Variants in PTPRN2 observed in about 807,000 individuals in gnomAD.
The protein encoded by PTPRN2 is receptor-type tyrosine-protein phosphatase N2.
PTPRN2 carries 74 observed loss-of-function variants against 118.8 expected under a neutral mutation model. That is an observed-to-expected ratio of 0.62 (90% CI 0.52 to 0.76). The LOEUF (loss-of-function observed/expected upper bound fraction) is 0.76. PTPRN2 is among the 30% of genes least tolerant of loss of function. The pLI is 0.00. For missense variants in PTPRN2, 1,481 were observed against 1,394.4 expected, an observed-to-expected ratio of 1.06 and a Z score of -0.99; for synonymous variants, 641 against 608.0, an observed-to-expected ratio of 1.05 and a Z score of -0.80.
At chr7:158,377,372 G>A (rs752913805) in intron 2 of PTPRN2, among the ~76,000 whole-genome samples, 9 of 152,370 alleles carry the variant, frequency 5.9e-5, no homozygotes, top group Non-Finnish European at 1.2e-4. Flanking sequence ...CATGTGTTAT[G>A]GAAAAATAGT....
At chr7:158,329,403 G>A (rs770351932) in intron 2 of PTPRN2, among the ~76,000 whole-genome samples, 1 of 152,214 alleles carries the variant, frequency 6.6e-6, no homozygotes, top group East Asian at 1.9e-4. Flanking sequence ...CATGCAACAG[G>A]CTGTGTGCCG....
At chr7:158,378,246 G>A (rs147506525) in intron 2 of PTPRN2, among the ~76,000 whole-genome samples, 4 of 152,294 alleles carry the variant, frequency 2.6e-5, no homozygotes, top group Non-Finnish European at 5.9e-5. Context: ...TTACATAATG[G>A]TTGGAGGCTG....
chr7:157,935,802 A>G (rs1799661777), intron 11 of PTPRN2, among the ~76,000 whole-genome samples: 1 of 151,296 alleles, frequency 6.6e-6, no homozygotes. Context: ...GGGTCTAGCC[A>G]TCCTCAGCAT....
chr7:157,580,297 C>G (rs55941863), intron 17 of PTPRN2, among the ~76,000 whole-genome samples: 24,363 of 152,110 alleles, frequency 0.16, 2,444 homozygotes, highest in African/African-American at 0.28. Flanking sequence ...CTTATTTAAT[C>G]TTAATGCAGT....
intron 1 of PTPRN2, among the ~76,000 whole-genome samples, chr7:158,515,045 T>C (rs567709398): frequency 2.0e-5 from 3 of 152,152 alleles, no homozygotes; most frequent in Non-Finnish European, 4.4e-5. Context: ...ACATTTACGA[T>C]GACAAAGACG....
At position 157,567,376 on chromosome 7, in the gene PTPRN2, C is replaced by T. The variant is rs186156232; in HGVS notation, c.2902+1526G>A. On this transcript the variant is annotated intron_variant, in intron 21 of 22. Coordinates refer to ENST00000389418, the MANE Select transcript of PTPRN2 (RefSeq NM_002847.5). ...CACAAAAACTGATTTCATTTCTCCC[C>T]AGCAGCCAGCAAAGGATGCTGGCGG... Among the ~76,000 whole-genome samples, 3 of 152,306 alleles carry T rather than the reference C, an allele frequency of 2.0e-5. No homozygotes were observed. In the East Asian group the frequency reaches 5.8e-4, roughly 29 times the overall value.
At chr7:158,242,726 T>C (rs1795970645) in intron 3 of PTPRN2, among the ~76,000 whole-genome samples, 1 of 152,186 alleles carries the variant, frequency 6.6e-6, no homozygotes, top group African/African-American at 2.4e-5. Flanking sequence ...ACAGTCTGTT[T>C]TTCTGTTTCT....
chr7:158,222,539 C>CA (rs1828449693), intron 3 of PTPRN2, among the ~76,000 whole-genome samples: 1 of 152,072 alleles, frequency 6.6e-6, no homozygotes, highest in South Asian at 2.1e-4. Flanking sequence ...CACACAGACA[C>CA]AAAAATGAGG....
intron 3 of PTPRN2, among the ~76,000 whole-genome samples, chr7:158,242,555 G>A (rs189118156): frequency 6.6e-6 from 1 of 152,314 alleles, no homozygotes; most frequent in East Asian, 1.9e-4. Context: ...CGTAAAATCT[G>A]TTTGGAAGTG....
At chr7:158,145,698 G>C (rs1022103737) in intron 6 of PTPRN2, among the ~76,000 whole-genome samples, 3 of 152,220 alleles carry the variant, frequency 2.0e-5, no homozygotes, top group Non-Finnish European at 1.5e-5. Flanking sequence ...ACTTTCTCAG[G>C]CCTGATTATT....
intron 12 of PTPRN2, among the ~76,000 whole-genome samples, chr7:157,720,104 G>T (rs987289056): frequency 1.3e-5 from 2 of 152,208 alleles, no homozygotes; most frequent in African/African-American, 4.8e-5. Context: ...TTTGGCTGGG[G>T]TGTCAGATAT....
At chr7:158,428,283 GGACGT>G (rs1815897897) in intron 2 of PTPRN2, among the ~76,000 whole-genome samples, 1 of 152,118 alleles carries the variant, frequency 6.6e-6, no homozygotes, top group Non-Finnish European at 1.5e-5. Context: ...CAGCGGCGTC[GGACGT>G]GACTCGCAGC....
At chr7:157,803,475 T>G (rs1271288519) in intron 12 of PTPRN2, among the ~76,000 whole-genome samples, 1 of 152,236 alleles carries the variant, frequency 6.6e-6, no homozygotes, top group Admixed American at 6.5e-5. Flanking sequence ...TTCTGTTGCT[T>G]GTGCCTTTGG....
intron 22 of PTPRN2, among the ~76,000 whole-genome samples, chr7:157,545,785 T>A (rs987367241): frequency 2.0e-5 from 3 of 152,166 alleles, no homozygotes; most frequent in African/African-American, 4.8e-5. Flanking sequence ...GGTCATGGTC[T>A]CCGGGTGCTC....
chr7:158,472,984 C>T (rs1819976414), intron 2 of PTPRN2, among the ~76,000 whole-genome samples: 2 of 61,618 alleles, frequency 3.2e-5, no homozygotes, highest in Non-Finnish European at 3.6e-5. Flanking sequence ...TGAGATTAGG[C>T]CTGAAATTAG....
chr7:158,381,513 G>A (rs570313454), intron 2 of PTPRN2, among the ~76,000 whole-genome samples: 1 of 152,216 alleles, frequency 6.6e-6, no homozygotes, highest in South Asian at 2.1e-4. Context: ...TGTCCATATT[G>A]CTGTCAGCAT....
intron 2 of PTPRN2, among the ~76,000 whole-genome samples, chr7:158,322,809 G>T (rs557580094): frequency 6.6e-6 from 1 of 152,270 alleles, no homozygotes; most frequent in African/African-American, 2.4e-5. Flanking sequence ...AGGCAGGGCA[G>T]GCTCTTGAAT....
chr7:157,673,180 C>T (rs759727455), intron 13 of PTPRN2, among the ~76,000 whole-genome samples: 30 of 152,158 alleles, frequency 2.0e-4, no homozygotes, highest in African/African-American at 2.7e-4. Context: ...CACGCCACCA[C>T]ACCTGGCTAA....
chr7:158,538,586 C>T (rs1825787552), intron 1 of PTPRN2, among the ~76,000 whole-genome samples: 1 of 152,200 alleles, frequency 6.6e-6, no homozygotes, highest in Admixed American at 6.5e-5. Flanking sequence ...ACCCATGGGA[C>T]CTGCAGAGAC....
Sources: allele counts gnomAD v4.1 joint callset (sites outside exome capture counted in the v4.1 genomes callset), GRCh38; gene constraint gnomAD v4.1.1; transcripts MANE v1.5; gene names NCBI Gene and HGNC (gene_info 2026-07-23, HGNC 2026-07-21).